Variants in PATJ observed in about 807,000 individuals in gnomAD.
PATJ encodes PATJ crumbs cell polarity complex component.
PATJ carries 190 observed loss-of-function variants against 224.9 expected under a neutral mutation model. The observed-to-expected ratio is 0.84, with a 90% confidence interval of 0.75 to 0.95. The LOEUF (loss-of-function observed/expected upper bound fraction) is 0.95, where lower values mean the gene tolerates loss of function less well. Ranked by LOEUF, PATJ falls within the 40% of genes least tolerant of loss-of-function variation. The probability of loss-of-function intolerance (pLI) is 0.00; values close to 1 mark genes in which losing one functional copy is unlikely to be tolerated. For missense variants in PATJ, 2,121 were observed against 2,270.3 expected (o/e 0.93, Z 1.34); for synonymous variants, 769 against 820.3 (o/e 0.94, Z 1.07).
chr1:61,808,305 C>T (rs1653989609), intron 13 of PATJ, among the ~76,000 whole-genome samples, 169 bp from the exon 14 acceptor site: 1 of 151,990 alleles, frequency 6.6e-6, no homozygotes, highest in Admixed American at 6.6e-5. Flanking sequence ...ATCAAATATA[C>T]TCTGAAATTT....
At chr1:61,764,977 TA>T (rs1646177515) in intron 3 of PATJ, among the ~76,000 whole-genome samples, 1 of 151,990 alleles carries the variant, frequency 6.6e-6, no homozygotes, top group African/African-American at 2.4e-5. Flanking sequence ...TTGGAGTTGT[TA>T]TGTACACAGT....
intron 41 of PATJ, among the ~76,000 whole-genome samples, chr1:62,142,225 A>G (rs764001661): frequency 1.2e-4 from 19 of 152,190 alleles, no homozygotes; most frequent in Non-Finnish European, 2.6e-4. Context: ...CCCACAAAGC[A>G]TAGGACTCCC....
intron 14 of PATJ, among the ~76,000 whole-genome samples, chr1:61,811,372 G>A (rs1292503785): frequency 6.6e-6 from 1 of 151,876 alleles, no homozygotes; most frequent in Admixed American, 6.6e-5. Context: ...GGGATTATAG[G>A]TGCCCACCAC....
chr1:61,843,328 G>A (rs376404014), intron 17 of PATJ, among the ~76,000 whole-genome samples: 19 of 152,226 alleles, frequency 1.2e-4, no homozygotes, highest in African/African-American at 4.6e-4. Flanking sequence ...TTTGCATTCT[G>A]GATATACTCT....
chr1:61,934,449 T>G (rs971542409), intron 27 of PATJ, among the ~76,000 whole-genome samples: 2 of 152,300 alleles, frequency 1.3e-5, no homozygotes, highest in Middle Eastern at 3.4e-3. Context: ...GTTTTAGTAA[T>G]TACACGGTAA....
intron 27 of PATJ, among the ~76,000 whole-genome samples, chr1:61,968,334 T>C (rs966023605): frequency 6.6e-6 from 1 of 152,184 alleles, no homozygotes; most frequent in Non-Finnish European, 1.5e-5. Flanking sequence ...TTTCGGCAAA[T>C]GCAGAGCTTG....
chr1:62,106,077 T>TACACACACAC (rs1230033683), intron 33 of PATJ, among the ~76,000 whole-genome samples: 6 of 16,490 alleles, frequency 3.6e-4, no homozygotes, highest in Non-Finnish European at 6.8e-4. Flanking sequence ...TATATATATA[T>TACACACACAC]ATACACACAC....
intron 10 of PATJ, among the ~76,000 whole-genome samples, chr1:61,796,674 CTTTCTTTCTTTCTTTCTTTCTTTCTTTCT>C (rs1651206797): frequency 3.5e-5 from 1 of 28,436 alleles, no homozygotes; most frequent in Non-Finnish European, 9.6e-5. Flanking sequence ...TTCTTTCTTT[CTTTCTTTCTTTCTTTCTTTCTTTCTTTCT>C]TTCTTTCTTT....
At chr1:62,100,282 G>T (rs1418258611) in intron 33 of PATJ, 1 of 700,016 alleles carries the variant, frequency 1.4e-6, no homozygotes, top group Non-Finnish European at 2.7e-6. Flanking sequence ...CTGAGACTGG[G>T]TAATTTATTA....
chr1:61,864,970 A>G (rs79123846), intron 20 of PATJ, among the ~76,000 whole-genome samples: 8,056 of 152,090 alleles, frequency 0.053, 323 homozygotes, highest in Non-Finnish European at 0.072. Flanking sequence ...CTGGGGAAAC[A>G]CAGCTGTATA....
chr1:61,886,096 G>A (rs1448775792), intron 22 of PATJ, among the ~76,000 whole-genome samples: 1 of 151,828 alleles, frequency 6.6e-6, no homozygotes, highest in African/African-American at 2.4e-5. Context: ...GTTAATGGGT[G>A]CAGCACACCA....
rs1195754236 is a variant in PATJ, at chr1:61,795,528, C to T, written c.1230C>T (p.Gly410=). ...CTGGCAGTGCTGCGTACCACAATGG[C>T]CACATTCAAGTGAATGACAAAATAG... is the stretch of plus-strand genomic sequence containing the variant. ...IIPGSAAYHN[G]HIQVNDKIVA... Residue 410 remains glycine, a synonymous_variant, in exon 10 of 44, where the codon GGC becomes GGT. Coordinates refer to ENST00000642238, the MANE Select transcript of PATJ (RefSeq NM_001350145.3). 2 of 1,608,990 alleles carry T rather than the reference C, an allele frequency of 1.2e-6. No individual in the cohort carries two copies. Among genetic ancestry groups the T allele is most frequent in the South Asian group, 2.2e-5 (2 of 90,504 alleles).
intron 1 of PATJ, among the ~76,000 whole-genome samples, chr1:61,743,836 G>A (rs139124042): frequency 6.4e-4 from 98 of 152,292 alleles, no homozygotes; most frequent in African/African-American, 2.3e-3. Context: ...AGAAATGAGC[G>A]TTATAGCCCG....
chr1:61,865,121 A>G (rs1665193308), intron 20 of PATJ: 1 of 152,584 alleles, frequency 6.6e-6, no homozygotes, highest in Non-Finnish European at 1.5e-5. Context: ...TTATCTTTAC[A>G]CTTGAGATGC....
intron 31 of PATJ, among the ~76,000 whole-genome samples, chr1:62,054,524 C>T (rs1330338629): frequency 6.6e-6 from 1 of 152,044 alleles, no homozygotes; most frequent in Non-Finnish European, 1.5e-5. Flanking sequence ...TATTCCATTT[C>T]TTTAAAATAT....
intron 26 of PATJ, among the ~76,000 whole-genome samples, chr1:61,914,881 A>C (rs568347593): frequency 2.3e-4 from 35 of 152,326 alleles, no homozygotes; most frequent in Non-Finnish European, 5.0e-4. Flanking sequence ...ATAAACGGCC[A>C]GTCAGCCATC....
At chr1:61,750,186 T>C (rs561842939) in intron 1 of PATJ, among the ~76,000 whole-genome samples, 11 of 152,336 alleles carry the variant, frequency 7.2e-5, no homozygotes, top group African/African-American at 2.4e-4. Flanking sequence ...CACTGTGAGA[T>C]GAACATTCTC....
chr1:61,763,276 T>C lies in PATJ; in HGVS notation c.189+97T>C, dbSNP rs140196621. On this transcript the variant is annotated intron_variant, in intron 3 of 43. Transcript: ENST00000642238. ...GAGATAGACAAAGACAAATTATCTTTAAGGACTCAGTTCAGCAAAGAGACT... is the reference window on the plus strand; with the variant it reads ...GAGATAGACAAAGACAAATTATCTTCAAGGACTCAGTTCAGCAAAGAGACT... 4.6e-4 allele frequency: 311 copies of C among 678,510 alleles called. 3 individuals are homozygous for C. The African/African-American group carries it at 5.4e-3, about 12-fold the overall frequency. 42.0% of individuals were successfully genotyped at this position (678,510 alleles called of 1,614,324 possible). A position where few individuals can be genotyped will look rare whatever the true frequency, so the allele number is the denominator to read the frequency against.
At chr1:61,830,490 A>G (rs1292504958) in intron 16 of PATJ, among the ~76,000 whole-genome samples, 6 of 147,868 alleles carry the variant, frequency 4.1e-5, no homozygotes, top group Non-Finnish European at 6.0e-5. Flanking sequence ...AATTAGAAAA[A>G]AACTATTCTA....
Sources: allele counts gnomAD v4.1 joint callset (sites outside exome capture counted in the v4.1 genomes callset), GRCh38; gene constraint gnomAD v4.1.1; transcripts MANE v1.5; gene names NCBI Gene and HGNC (gene_info 2026-07-23, HGNC 2026-07-21).